Variants in ARSK observed in about 807,000 individuals in gnomAD.
ARSK encodes the protein arylsulfatase family member K.
ARSK carries 37 observed loss-of-function variants against 53.2 expected under a neutral mutation model. That is an observed-to-expected ratio of 0.70 (90% CI 0.54 to 0.92). ARSK has a LOEUF of 0.92. ARSK is among the 40% of genes least tolerant of loss of function. The pLI is 0.00. For synonymous variants in ARSK, 208 were observed against 223.2 expected, an observed-to-expected ratio of 0.93 and a Z score of 0.61; for missense variants, 613 against 643.0, an observed-to-expected ratio of 0.95 and a Z score of 0.51.
Position 95,555,122 on chromosome 5 carries a change from G to A in ARSK, c.-157G>A, listed in dbSNP as rs1748459301. The A allele has an allele frequency of 1.0e-4, 59 of 564,822 alleles. 1 individual carries two copies. The highest frequency in any genetic ancestry group is 8.9e-4 in the South Asian group (50 of 56,078). 35.0% of individuals were successfully genotyped at this position (564,822 alleles called of 1,614,324 possible). A position where few individuals can be genotyped will look rare whatever the true frequency, so the allele number is the denominator to read the frequency against. On this transcript the variant is annotated 5_prime_UTR_variant, in exon 1 of 8. Coordinates refer to ENST00000380009, the MANE Select transcript of ARSK (RefSeq NM_198150.3). The surrounding 1 kb of genome is among the most constrained non-coding windows in gnomAD (Gnocchi z 4.0). ...GCATGTGCGCGCTCTCCGCCTGATA[G>A]GAGTTGTAGTTCTGCGGGTGAAGCT...
intron 1 of ARSK, among the ~76,000 whole-genome samples, chr5:95,565,607 G>T (rs76404139): frequency 6.6e-6 from 1 of 151,908 alleles, no homozygotes; most frequent in African/African-American, 2.4e-5. Context: ...TAGTTTATTT[G>T]CCAGTATACT....
chr5:95,583,208 T>G lies in ARSK; in HGVS notation c.699+10T>G. 1 of 1,529,958 alleles carries G rather than the reference T, an allele frequency of 6.5e-7. No homozygotes were observed. The highest frequency in any genetic ancestry group is 8.8e-7 in the Non-Finnish European group (1 of 1,131,936). The allele number at this position is 1,529,958 out of a possible 1,614,324, so 94.8% of individuals were successfully genotyped here. A position where few individuals can be genotyped will look rare whatever the true frequency, so the allele number is the denominator to read the frequency against. On this transcript the variant is annotated intron_variant, in intron 4 of 7. Transcript: ENST00000380009. ...TTATTGGCTTGAAAAAGTAAGTAACTACATTGTGTGTGCTCAAAAGTAGAT... is the reference window on the plus strand; with the variant it reads ...TTATTGGCTTGAAAAAGTAAGTAACGACATTGTGTGTGCTCAAAAGTAGAT...
chr5:95,561,390 G>A (rs1350139794), intron 1 of ARSK, among the ~76,000 whole-genome samples: 1 of 152,184 alleles, frequency 6.6e-6, no homozygotes, highest in Admixed American at 6.5e-5. Context: ...GTATAATCCA[G>A]CAGTTTTACT....
intron 3 of ARSK, among the ~76,000 whole-genome samples, chr5:95,573,845 C>T (rs369292135): frequency 9.9e-5 from 15 of 152,252 alleles, no homozygotes; most frequent in Admixed American, 2.6e-4. Flanking sequence ...TCCGTCCCCT[C>T]GAAGCATTTG....
chr5:95,556,074 A>G (rs945900543), intron 1 of ARSK: 6 of 625,654 alleles, frequency 9.6e-6, no homozygotes, highest in African/African-American at 7.3e-5. Flanking sequence ...TGCTGCTTAG[A>G]CAATTGTTTG....
intron 3 of ARSK, among the ~76,000 whole-genome samples, chr5:95,578,015 CA>C (rs1450201613): frequency 6.6e-6 from 1 of 152,064 alleles, no homozygotes; most frequent in African/African-American, 2.4e-5. Context: ...AATGATGTTC[CA>C]ACCTGAATTT....
At chr5:95,587,455 C>T (rs1422292689) in intron 5 of ARSK, among the ~76,000 whole-genome samples, 1 of 152,008 alleles carries the variant, frequency 6.6e-6, no homozygotes, top group Non-Finnish European at 1.5e-5. Context: ...ACTAGTGAAG[C>T]GTAGGTAGCA....
chr5:95,579,094 T>C (rs7712327), intron 3 of ARSK, among the ~76,000 whole-genome samples: 1 of 152,198 alleles, frequency 6.6e-6, no homozygotes, highest in Non-Finnish European at 1.5e-5. Context: ...CTGTTGAAGC[T>C]CCATTTTGAT....
At chr5:95,576,494 G>A (rs1160703275) in intron 3 of ARSK, among the ~76,000 whole-genome samples, 1 of 151,892 alleles carries the variant, frequency 6.6e-6, no homozygotes, top group African/African-American at 2.4e-5. Flanking sequence ...ATTGTGCCCA[G>A]CCAAGTCTAT....
intron 5 of ARSK, among the ~76,000 whole-genome samples, chr5:95,590,500 A>C (rs1232625029): frequency 1.3e-5 from 2 of 152,142 alleles, no homozygotes; most frequent in East Asian, 3.9e-4. Context: ...AGGATAGTAC[A>C]AGCAGGGGAA....
At chr5:95,602,473 C>T (rs959607911) in intron 7 of ARSK, among the ~76,000 whole-genome samples, 2 of 152,136 alleles carry the variant, frequency 1.3e-5, no homozygotes, top group Non-Finnish European at 2.9e-5. Context: ...AGTCACATAT[C>T]TCTTCAGGGG....
chr5:95,592,844 G>C (rs1210840315), intron 6 of ARSK, among the ~76,000 whole-genome samples: 1 of 152,136 alleles, frequency 6.6e-6, no homozygotes, highest in Non-Finnish European at 1.5e-5. Flanking sequence ...ACTAAGCCTG[G>C]CCAGTTCTTT....
Position 95,567,899 on chromosome 5 carries a change from G to A in ARSK, c.266G>A (p.Ser89Asn), listed in dbSNP as rs1280065700. The A allele has an allele frequency of 3.1e-6, 5 of 1,599,354 alleles. No individual in the cohort carries two copies. In the African/African-American group the frequency reaches 6.8e-5, roughly 22 times the overall value. ...ICCPSRAAMW[S>N]GLFTHLTESW... is the part of the protein sequence containing the mutation. ...TTTTTTTTTTTCTCAGCAATGTGGAGTGGCCTCTTCACTCACTTAACAGAA... is the reference window on the plus strand; with the variant it reads ...TTTTTTTTTTTCTCAGCAATGTGGAATGGCCTCTTCACTCACTTAACAGAA... The change falls in exon 3 of 8, where the codon AGT becomes AAT. Residue 89 changes from serine (S) to asparagine (N), a missense_variant. Physicochemically the swap from Ser to Asn is conservative, Grantham distance 46 (BLOSUM62 1). Coordinates refer to ENST00000380009, the MANE Select transcript of ARSK (RefSeq NM_198150.3).
rs541168336 is a variant in ARSK, at chr5:95,590,940, G to A, written c.872-461G>A. ...ATCTGGTGATTGCTTAGAGATTTGG[G>A]AGAAAAAGTAGCAGAGAAGAAGAGT... On this transcript the variant is annotated intron_variant, in intron 5 of 7. Coordinates refer to ENST00000380009, the MANE Select transcript of ARSK (RefSeq NM_198150.3). Among the ~76,000 whole-genome samples the A allele has an allele frequency of 2.5e-3, 380 of 152,270 alleles. 3 individuals carry two copies. The highest frequency in any genetic ancestry group is 8.7e-3 in the African/African-American group (362 of 41,552).
intron 3 of ARSK, among the ~76,000 whole-genome samples, chr5:95,580,301 T>C (rs1031088889): frequency 4.6e-5 from 7 of 152,128 alleles, no homozygotes; most frequent in Admixed American, 2.0e-4. Context: ...AAGCTTTTAT[T>C]TGGAAAAAGT....
chr5:95,555,258 C>T lies in ARSK; in HGVS notation c.-21C>T. 6.3e-7 allele frequency: 1 copy of T among 1,581,922 alleles called. No homozygotes were observed. Among genetic ancestry groups the T allele is most frequent in the Non-Finnish European group, 8.6e-7 (1 of 1,168,714 alleles). On this transcript the variant is annotated 5_prime_UTR_variant, in exon 1 of 8. Transcript: ENST00000380009. The surrounding 1 kb of genome is among the most constrained non-coding windows in gnomAD (Gnocchi z 4.0). The stretch of plus-strand genomic sequence containing the variant: ...GGGAGGCGGCTGGCCCGGCGGCAGG[C>T]TCTCAGAACCGCTACCGGCGATGCT...
At chr5:95,569,729 A>G (rs1748792855) in intron 3 of ARSK, among the ~76,000 whole-genome samples, 1 of 152,204 alleles carries the variant, frequency 6.6e-6, no homozygotes, top group African/African-American at 2.4e-5. Flanking sequence ...ACAGTTTGCA[A>G]TAATTTATTC....
At chr5:95,577,723 A>G (rs758980688) in intron 3 of ARSK, among the ~76,000 whole-genome samples, 1 of 152,134 alleles carries the variant, frequency 6.6e-6, no homozygotes, top group Non-Finnish European at 1.5e-5. Context: ...ATCCCTGAAT[A>G]CTCACCTCCA....
At chr5:95,587,396 T>A (rs930648504) in intron 5 of ARSK, among the ~76,000 whole-genome samples, 2 of 152,178 alleles carry the variant, frequency 1.3e-5, no homozygotes, top group Admixed American at 1.3e-4. Context: ...GTTATTTTCA[T>A]AAAGTAATGT....
Sources: allele counts gnomAD v4.1 joint callset (sites outside exome capture counted in the v4.1 genomes callset), GRCh38; gene constraint gnomAD v4.1.1; non-coding constraint Gnocchi (gnomAD v3.1); transcripts MANE v1.5; gene names NCBI Gene and HGNC (gene_info 2026-07-23, HGNC 2026-07-21).